Variants in GRIN2B observed in about 807,000 individuals in gnomAD.
GRIN2B encodes the protein glutamate ionotropic receptor NMDA type subunit 2B.
A neutral mutation model predicts 114.5 loss-of-function variants in GRIN2B; 5 were observed. The ratio of observed to expected loss-of-function variants is 0.04; its 90% CI spans 0.02 to 0.09. GRIN2B has a LOEUF of 0.09. Ranked by LOEUF, GRIN2B falls within the 10% of genes least tolerant of loss-of-function variation. The pLI, the probability that GRIN2B is intolerant of heterozygous loss-of-function variation, is 1.00. For missense variants in GRIN2B, 1,108 were observed against 1,943.5 expected (o/e 0.57, Z 8.08); for synonymous variants, 787 against 745.1 (o/e 1.06, Z -0.92).
rs558798776 is a variant in GRIN2B, at chr12:13,913,151, T to TC, written c.-18-46926dup. The stretch of plus-strand genomic sequence containing the variant: ...GAGTCCACATGGCCTGGATGGAGGA[T>TC]CCCACATAGATCTTTAGTACTGTTG... On this transcript the variant is annotated intron_variant, in intron 2 of 13. Coordinates refer to ENST00000609686, the MANE Select transcript of GRIN2B (RefSeq NM_000834.5). 1.9e-4 allele frequency among the ~76,000 whole-genome samples: 29 copies of TC among 152,290 alleles called. No individual in the cohort carries two copies. The East Asian group carries it at 5.4e-3, about 28-fold the overall frequency.
chr12:13,843,127 A>AAC (rs1429837528), intron 3 of GRIN2B, among the ~76,000 whole-genome samples: 13 of 146,248 alleles, frequency 8.9e-5, no homozygotes, highest in African/African-American at 3.2e-4. Flanking sequence ...AAAAAAAAAA[A>AAC]CACTGCTTTT....
chr12:13,736,119 A>G (rs1204086699), intron 4 of GRIN2B, among the ~76,000 whole-genome samples: 1 of 107,158 alleles, frequency 9.3e-6, no homozygotes, highest in African/African-American at 3.7e-5. Flanking sequence ...ATGAACTATC[A>G]TCTCCCATAG....
chr12:13,981,082 GC>G (rs1863128777), intron 1 of GRIN2B, among the ~76,000 whole-genome samples: 1 of 151,830 alleles, frequency 6.6e-6, no homozygotes. Flanking sequence ...CCGCTGCCCT[GC>G]CCCTCTGCTA....
At chr12:13,642,411 G>A (rs961098783) in intron 5 of GRIN2B, among the ~76,000 whole-genome samples, 12 of 152,070 alleles carry the variant, frequency 7.9e-5, no homozygotes, top group East Asian at 1.9e-4. Flanking sequence ...GCTATTCAGC[G>A]TATGATCTTG....
At chr12:13,808,731 C>A (rs991308051) in intron 3 of GRIN2B, among the ~76,000 whole-genome samples, 36 of 85,526 alleles carry the variant, frequency 4.2e-4, no homozygotes, top group African/African-American at 1.1e-3. Context: ...TACCCTAGAA[C>A]TTAAAGTATA....
At chr12:13,746,645 T>C (rs1863388660) in intron 4 of GRIN2B, among the ~76,000 whole-genome samples, 1 of 152,200 alleles carries the variant, frequency 6.6e-6, no homozygotes, top group Non-Finnish European at 1.5e-5. Context: ...GTTTGGATGT[T>C]TGTCCCCCCC....
At chr12:13,751,796 G>A (rs750127498) in intron 4 of GRIN2B, among the ~76,000 whole-genome samples, 1 of 152,138 alleles carries the variant, frequency 6.6e-6, no homozygotes, top group Non-Finnish European at 1.5e-5. Flanking sequence ...AAAATATACA[G>A]ACATTAATTG....
intron 2 of GRIN2B, among the ~76,000 whole-genome samples, chr12:13,956,005 C>T (rs897117812): frequency 2.0e-5 from 3 of 152,102 alleles, no homozygotes; most frequent in Non-Finnish European, 4.4e-5. Context: ...GAGAAAAATG[C>T]GTCCCCTGTT....
intron 2 of GRIN2B, among the ~76,000 whole-genome samples, chr12:13,878,842 T>C (rs1048654899): frequency 6.6e-6 from 1 of 152,124 alleles, no homozygotes; most frequent in Non-Finnish European, 1.5e-5. Flanking sequence ...GAATGAGAAA[T>C]GTAAAAGCAC....
chr12:13,563,182 G>T lies in GRIN2B; in HGVS notation c.4056C>A (p.Asn1352Lys). 12 of 1,614,188 alleles carry T rather than the reference G, an allele frequency of 7.4e-6. No individual in the cohort carries two copies. Among genetic ancestry groups the T allele is most frequent in the Non-Finnish European group, 8.5e-6 (10 of 1,180,024 alleles). ...GTCCGGCAGTGGGCACTGAGGACTTGTTGTTGGCAAAGGTGCTCTCGCCAG... is the reference window on the plus strand; with the variant it reads ...GTCCGGCAGTGGGCACTGAGGACTTTTTGTTGGCAAAGGTGCTCTCGCCAG... Reference protein sequence around the residue: ...MSAGESTFANNKSSVPTAGHH... With the variant: ...MSAGESTFANKKSSVPTAGHH... The change falls in exon 14 of 14, where the codon AAC becomes AAA. Residue 1352 changes from asparagine (N) to lysine (K), a missense_variant. Transcript: ENST00000609686.
At chr12:13,605,545 T>TGA (rs1422595636) in intron 10 of GRIN2B, among the ~76,000 whole-genome samples, 8 of 63,710 alleles carry the variant, frequency 1.3e-4, no homozygotes, top group East Asian at 3.8e-4. Context: ...TCTCTCTCTC[T>TGA]CTCTCTGACA....
intron 3 of GRIN2B, among the ~76,000 whole-genome samples, chr12:13,832,401 C>T (rs532731820): frequency 1.1e-4 from 16 of 152,236 alleles, no homozygotes; most frequent in African/African-American, 3.6e-4. Flanking sequence ...ACATAGTATT[C>T]GAGAGTGTAC....
At chr12:13,634,405 G>C (rs950014195) in intron 5 of GRIN2B, among the ~76,000 whole-genome samples, 2 of 152,174 alleles carry the variant, frequency 1.3e-5, no homozygotes, top group African/African-American at 2.4e-5. Context: ...CCACATTGAG[G>C]TTGGCAGGGC....
chr12:13,967,602 C>T (rs1401436725), intron 2 of GRIN2B, among the ~76,000 whole-genome samples: 4 of 152,208 alleles, frequency 2.6e-5, no homozygotes, highest in African/African-American at 9.7e-5. Flanking sequence ...CATTAAACAT[C>T]TATGGTGTGC....
At chr12:13,686,140 C>G (rs956426883) in intron 4 of GRIN2B, among the ~76,000 whole-genome samples, 2 of 152,132 alleles carry the variant, frequency 1.3e-5, no homozygotes, top group African/African-American at 2.4e-5. Context: ...TTCACTCTAA[C>G]GCAGTACATT....
chr12:13,703,972 A>C (rs1036765482), intron 4 of GRIN2B, among the ~76,000 whole-genome samples: 1 of 152,220 alleles, frequency 6.6e-6, no homozygotes. Context: ...CTCTGTCATC[A>C]AAAGAGAGGA....
In GRIN2B at chr12:13,557,844, G is replaced by A. The variant is rs558285518; in HGVS notation, c.*4939C>T. The A allele has an allele frequency of 2.0e-5, 3 of 152,316 alleles. No homozygotes were observed. The highest frequency in any genetic ancestry group is 1.9e-4 in the East Asian group (1 of 5,182). The allele number at this position is 152,316 out of a possible 1,614,324, so 9.4% of individuals were successfully genotyped here. On this transcript the variant is annotated 3_prime_UTR_variant, in exon 14 of 14. Transcript: ENST00000609686. Reference sequence around the variant, plus strand: ...GTGAGATTCCTAATGTAAATTAGGTGATTAAATGTATACATCCCTAATATG... The same window carrying A: ...GTGAGATTCCTAATGTAAATTAGGTAATTAAATGTATACATCCCTAATATG...
chr12:13,981,066 G>A (rs1863128182), intron 1 of GRIN2B, among the ~76,000 whole-genome samples: 1 of 152,052 alleles, frequency 6.6e-6, no homozygotes, highest in Non-Finnish European at 1.5e-5. Context: ...GGTCCGGCCC[G>A]GGGCGCCGCT....
intron 2 of GRIN2B, among the ~76,000 whole-genome samples, chr12:13,923,177 G>A (rs143362412): frequency 8.6e-4 from 131 of 151,904 alleles, no homozygotes; most frequent in African/African-American, 3.0e-3. Context: ...CTAAATCTAG[G>A]GTATGCATTC....
Sources: gnomAD v4.1 joint callset for allele counts (sites outside exome capture counted in the v4.1 genomes callset) on GRCh38, gnomAD v4.1.1 for gene constraint, MANE v1.5 for transcripts, NCBI Gene and HGNC (gene_info 2026-07-23, HGNC 2026-07-21) for gene names.